The following ADCY2 variants were observed in gnomAD, a reference collection of about 807,000 sequenced individuals.
ADCY2 encodes adenylate cyclase type 2.
In ADCY2, 31 loss-of-function variants were observed where a neutral mutation model predicts 125.2. The ratio of observed to expected loss-of-function variants is 0.25; its 90% CI spans 0.19 to 0.33. The LOEUF (loss-of-function observed/expected upper bound fraction) is 0.33, where lower values mean the gene tolerates loss of function less well. Ranked by LOEUF, ADCY2 falls within the 10% of genes least tolerant of loss-of-function variation. The pLI, the probability that ADCY2 is intolerant of heterozygous loss-of-function variation, is 1.00. For missense variants in ADCY2, 904 were observed against 1,418.2 expected (o/e 0.64, Z 5.82); for synonymous variants, 512 against 548.4 (o/e 0.93, Z 0.93).
intron 3 of ADCY2, among the ~76,000 whole-genome samples, chr5:7,613,289 A>T (rs1179221579): frequency 6.6e-6 from 1 of 152,226 alleles, no homozygotes; most frequent in Non-Finnish European, 1.5e-5. Context: ...AACTACAGAA[A>T]TGCAGGCTGA....
intron 14 of ADCY2, among the ~76,000 whole-genome samples, chr5:7,740,340 A>G: frequency 6.6e-6 from 1 of 152,066 alleles, no homozygotes; most frequent in East Asian, 1.9e-4. Flanking sequence ...TTTGAAATAA[A>G]TAAAGCAGAA....
intron 3 of ADCY2, among the ~76,000 whole-genome samples, chr5:7,527,609 G>A (rs1027496850): frequency 6.6e-6 from 1 of 152,094 alleles, no homozygotes; most frequent in Non-Finnish European, 1.5e-5. Context: ...GCTAAGGAGT[G>A]CTTATTGATT....
intron 2 of ADCY2, among the ~76,000 whole-genome samples, chr5:7,428,295 A>G (rs1740462775): frequency 6.6e-6 from 1 of 152,222 alleles, no homozygotes; most frequent in South Asian, 2.1e-4. Flanking sequence ...GAGAGAATCA[A>G]TGAGAAAAGT....
chr5:7,487,721 G>C (rs1041156983), intron 2 of ADCY2, among the ~76,000 whole-genome samples: 7 of 152,216 alleles, frequency 4.6e-5, no homozygotes, highest in Admixed American at 3.3e-4. Context: ...TATGTTGTCT[G>C]AGGTCATGGT....
At chr5:7,681,806 C>A (rs1317591547) in intron 4 of ADCY2, among the ~76,000 whole-genome samples, 1 of 152,164 alleles carries the variant, frequency 6.6e-6, no homozygotes, top group East Asian at 1.9e-4. Context: ...GGGCCATTGT[C>A]CCCACTGAAA....
intron 4 of ADCY2, among the ~76,000 whole-genome samples, chr5:7,662,150 G>C (rs1176680970): frequency 6.6e-6 from 1 of 152,092 alleles, no homozygotes; most frequent in African/African-American, 2.4e-5. Context: ...AAAGTTATTG[G>C]TACAACACAC....
At chr5:7,624,375 G>T (rs1299591193) in intron 3 of ADCY2, among the ~76,000 whole-genome samples, 1 of 151,996 alleles carries the variant, frequency 6.6e-6, no homozygotes, top group Non-Finnish European at 1.5e-5. Context: ...ATTATCCCCT[G>T]AGTTTACCCA....
intron 2 of ADCY2, among the ~76,000 whole-genome samples, chr5:7,426,523 G>A (rs937147135): frequency 1.3e-5 from 2 of 152,178 alleles, no homozygotes; most frequent in Admixed American, 6.5e-5. Context: ...TCATTTATGA[G>A]GGCGGAGTTG....
chr5:7,555,791 T>C (rs1735490252), intron 3 of ADCY2, among the ~76,000 whole-genome samples: 1 of 151,928 alleles, frequency 6.6e-6, no homozygotes, highest in African/African-American at 2.4e-5. Context: ...GAGACTTAAT[T>C]TTAAATTCTA....
At chr5:7,518,580 T>C (rs931130197) in intron 2 of ADCY2, among the ~76,000 whole-genome samples, 2 of 152,194 alleles carry the variant, frequency 1.3e-5, no homozygotes, top group Non-Finnish European at 2.9e-5. Context: ...GCTATGGCAA[T>C]GTGTTCCCCC....
intron 2 of ADCY2, among the ~76,000 whole-genome samples, chr5:7,439,045 G>A (rs1454257321): frequency 6.6e-6 from 1 of 152,198 alleles, no homozygotes; most frequent in Non-Finnish European, 1.5e-5. Context: ...CACTGTGAGT[G>A]CATTTCTCTG....
rs777420588 is a variant in ADCY2 at position 7,520,872 on chromosome 5, G to A, written c.543G>A (p.Pro181=). Residue 181 remains proline (P), a synonymous_variant, in exon 3 of 25, where the codon CCG becomes CCA. Transcript: ENST00000338316. The part of the protein sequence containing the change: ...IVLSVCLSAT[P]GGKEHLVWQI... The stretch of plus-strand genomic sequence containing the variant: ...TTAGCGTCTGCCTGTCTGCAACACC[G>A]GGAGGCAAGGAGCACCTGGTCTGGC... The A allele has an allele frequency of 1.7e-5, 28 of 1,613,974 alleles. No individual in the cohort carries two copies. The highest frequency in any genetic ancestry group is 4.0e-5 in the African/African-American group (3 of 74,896).
chr5:7,598,159 G>A lies in ADCY2; in HGVS notation c.571-28008G>A, dbSNP rs763499639. 1.1e-3 allele frequency among the ~76,000 whole-genome samples: 162 copies of A among 152,178 alleles called. 2 individuals are homozygous for A. Among genetic ancestry groups the A allele is most frequent in the Non-Finnish European group, 3.8e-4 (26 of 68,034 alleles). ...CTGGACTGGGAGCTAAAAAGCTTTC[G>A]TCTTTTAGTGCCTCCTGTGCTGAGT... On this transcript the variant is annotated intron_variant, in intron 3 of 24. Coordinates refer to ENST00000338316, the MANE Select transcript of ADCY2 (RefSeq NM_020546.3).
chr5:7,743,179 C>A (rs945126597), intron 14 of ADCY2, among the ~76,000 whole-genome samples: 1 of 151,870 alleles, frequency 6.6e-6, no homozygotes, highest in African/African-American at 2.4e-5. Flanking sequence ...CTATGTTGAA[C>A]AAAATAGGTT....
chr5:7,471,027 A>G (rs1047946946), intron 2 of ADCY2, among the ~76,000 whole-genome samples: 6 of 151,776 alleles, frequency 4.0e-5, no homozygotes, highest in African/African-American at 1.4e-4. Context: ...CTTTTTTATT[A>G]TTAATAATAT....
chr5:7,563,880 G>A (rs749620303), intron 3 of ADCY2, among the ~76,000 whole-genome samples: 25 of 152,152 alleles, frequency 1.6e-4, no homozygotes, highest in Non-Finnish European at 2.2e-4. Context: ...TTGATTGTGT[G>A]AGTGCATGAT....
At chr5:7,730,640 A>G (rs900661426) in intron 14 of ADCY2, among the ~76,000 whole-genome samples, 1 of 152,150 alleles carries the variant, frequency 6.6e-6, no homozygotes, top group African/African-American at 2.4e-5. Context: ...CAGTTCTTGA[A>G]TAATAGTTTA....
chr5:7,514,295 C>T (rs1379682353), intron 2 of ADCY2, among the ~76,000 whole-genome samples: 3 of 152,094 alleles, frequency 2.0e-5, no homozygotes, highest in African/African-American at 4.8e-5. Flanking sequence ...TATCCATGAC[C>T]GTGATCTACA....
chr5:7,760,507 A>C (rs1743161377), intron 16 of ADCY2, among the ~76,000 whole-genome samples: 1 of 152,214 alleles, frequency 6.6e-6, no homozygotes, highest in South Asian at 2.1e-4. Context: ...TTCACCATGC[A>C]TGCAAGCAAA....
Sources: allele counts gnomAD v4.1 joint callset (sites outside exome capture counted in the v4.1 genomes callset), GRCh38; gene constraint gnomAD v4.1.1; transcripts MANE v1.5; gene names NCBI Gene and HGNC (gene_info 2026-07-23, HGNC 2026-07-21).